ACTR3C: variants seen among roughly 807,000 people sequenced by gnomAD.
ACTR3C encodes actin related protein 3C.
Under a neutral mutation model 26.3 loss-of-function variants are expected in ACTR3C, and 18 were observed. The observed-to-expected ratio is 0.68, with a 90% CI of 0.47 to 1.01. The LOEUF is 1.01. ACTR3C is among the 50% of genes least tolerant of loss of function. The pLI is 0.00. For missense variants in ACTR3C, 184 were observed against 250.7 expected, an observed-to-expected ratio of 0.73 and a Z score of 1.80; for synonymous variants, 55 against 94.5, an observed-to-expected ratio of 0.58 and a Z score of 2.42.
chr7:150,043,162 T>C, the ACTR3C span, among the ~76,000 whole-genome samples: 36 of 150,574 alleles, frequency 2.4e-4, no homozygotes, highest in East Asian at 2.2e-3. Context: ...CATGTCTTAT[T>C]GTAAATCCCA....
the ACTR3C span, among the ~76,000 whole-genome samples, chr7:150,044,506 G>T: frequency 2.0e-5 from 3 of 152,148 alleles, no homozygotes; most frequent in Non-Finnish European, 2.9e-5. Flanking sequence ...CCCAAAACAG[G>T]CTTTCCTGTG....
At chr7:150,181,417 TAA>T in the ACTR3C span, among the ~76,000 whole-genome samples, 2 of 149,938 alleles carry the variant, frequency 1.3e-5, no homozygotes, top group African/African-American at 5.0e-5. Context: ...AGCCCATCTC[TAA>T]AAAGGGAAAA....
At chr7:150,216,219 A>C in the ACTR3C span, among the ~76,000 whole-genome samples, 1 of 152,236 alleles carries the variant, frequency 6.6e-6, no homozygotes, top group Non-Finnish European at 1.5e-5. Flanking sequence ...AAGTAATACA[A>C]AGAATTATTT....
the ACTR3C span, among the ~76,000 whole-genome samples, chr7:150,183,696 C>CA: frequency 0.1 from 4,713 of 46,408 alleles, 226 homozygotes; most frequent in Middle Eastern, 0.14. Flanking sequence ...GTGGCTATGG[C>CA]AAAAAAAAAA....
intron 1 of ACTR3C, among the ~76,000 whole-genome samples, chr7:150,321,966 C>T (rs961132856): frequency 3.3e-5 from 5 of 152,198 alleles, no homozygotes; most frequent in African/African-American, 1.2e-4. Flanking sequence ...ATATGTCCAA[C>T]TGAGGAGGTG....
intron 6 of ACTR3C, among the ~76,000 whole-genome samples, chr7:150,275,642 C>T (rs546098524): frequency 1.3e-5 from 2 of 151,846 alleles, no homozygotes; most frequent in Admixed American, 1.3e-4. Context: ...ATCCAGGAGG[C>T]AGAGGTTGCA....
chr7:150,223,698 A>G, the ACTR3C span, among the ~76,000 whole-genome samples: 1 of 152,144 alleles, frequency 6.6e-6, no homozygotes, highest in Non-Finnish European at 1.5e-5. Flanking sequence ...AAAATTGTAA[A>G]TCAAAGTACA....
chr7:149,890,045 T>G, the ACTR3C span, among the ~76,000 whole-genome samples: 1 of 152,230 alleles, frequency 6.6e-6, no homozygotes, highest in Non-Finnish European at 1.5e-5. Flanking sequence ...TATAGAGTTA[T>G]TCCATATTTA....
At chr7:150,195,107 G>GTATA in the ACTR3C span, among the ~76,000 whole-genome samples, 7,180 of 138,430 alleles carry the variant, frequency 0.052, 306 homozygotes, top group East Asian at 0.16. Flanking sequence ...ATACATATAT[G>GTATA]TATATATATA....
At chr7:150,012,317 C>CTTTTTT in the ACTR3C span, among the ~76,000 whole-genome samples, 8 of 131,270 alleles carry the variant, frequency 6.1e-5, 1 homozygote, top group African/African-American at 1.2e-4. Flanking sequence ...ATAAATGCAT[C>CTTTTTT]TTTTTTTTTT....
chr7:149,922,014 TCA>T, the ACTR3C span, among the ~76,000 whole-genome samples: 1 of 149,106 alleles, frequency 6.7e-6, no homozygotes, highest in African/African-American at 2.4e-5. Context: ...CCTTTCTGCT[TCA>T]CACTCAGCTT....
chr7:150,037,753 C>A, the ACTR3C span, among the ~76,000 whole-genome samples: 1 of 38,294 alleles, frequency 2.6e-5, no homozygotes. Flanking sequence ...TCAGTCCCCA[C>A]CCTCGCGGGG....
chr7:150,135,266 C>T, the ACTR3C span, among the ~76,000 whole-genome samples: 18 of 151,882 alleles, frequency 1.2e-4, no homozygotes, highest in Non-Finnish European at 2.4e-4. Context: ...AGCGAGACTC[C>T]GTCTCAAAAA....
chr7:150,201,062 G>A, the ACTR3C span, among the ~76,000 whole-genome samples: 2 of 152,128 alleles, frequency 1.3e-5, no homozygotes, highest in Non-Finnish European at 2.9e-5. Context: ...TATTCCCTCT[G>A]GGGATGAGAA....
chr7:150,145,352 T>G, the ACTR3C span, among the ~76,000 whole-genome samples: 1 of 152,146 alleles, frequency 6.6e-6, no homozygotes, highest in Non-Finnish European at 1.5e-5. Flanking sequence ...CAGCAGAATT[T>G]GACTGAATTA....
chr7:150,039,252 T>A, the ACTR3C span, among the ~76,000 whole-genome samples: 1 of 147,378 alleles, frequency 6.8e-6, no homozygotes, highest in African/African-American at 2.5e-5. Flanking sequence ...AGGGGCTGGC[T>A]CTCAATCTCT....
intron 6 of ACTR3C, chr7:150,264,544 G>C (rs1448368885): frequency 1.1e-6 from 1 of 942,988 alleles, no homozygotes; most frequent in African/African-American, 1.8e-5. Context: ...ACTAACTGAG[G>C]GGTGCTCTGA....
At chr7:150,067,902 C>G in the ACTR3C span, among the ~76,000 whole-genome samples, 1 of 151,440 alleles carries the variant, frequency 6.6e-6, no homozygotes, top group Non-Finnish European at 1.5e-5. Context: ...TTTTTTGTCT[C>G]TTTAGACAAA....
chr7:150,311,618 C>CTGTA (rs1786526271), intron 1 of ACTR3C, among the ~76,000 whole-genome samples: 1 of 152,214 alleles, frequency 6.6e-6, no homozygotes, highest in African/African-American at 2.4e-5. Context: ...AGCCACATGA[C>CTGTA]TGTATCTCCC....
Sources: gnomAD v4.1 joint callset for allele counts (sites outside exome capture counted in the v4.1 genomes callset) on GRCh38, gnomAD v4.1.1 for gene constraint, MANE v1.5 for transcripts, NCBI Gene and HGNC (gene_info 2026-07-23, HGNC 2026-07-21) for gene names.